The following GRID2 variants were observed in gnomAD, a reference collection of about 807,000 sequenced individuals.
GRID2 encodes the protein glutamate ionotropic receptor delta type subunit 2.
In GRID2, 33 loss-of-function variants were observed where a neutral mutation model predicts 114.8. That is an observed-to-expected ratio of 0.29 (90% CI 0.22 to 0.38). The LOEUF is 0.38. Ranked by LOEUF, GRID2 falls within the 10% of genes least tolerant of loss-of-function variation. The probability of loss-of-function intolerance (pLI) is 1.00; values close to 1 mark genes in which losing one functional copy is unlikely to be tolerated. For synonymous variants in GRID2, 505 were observed against 449.9 expected (o/e 1.12, Z -1.55); for missense variants, 1,184 against 1,257.7 (o/e 0.94, Z 0.89).
intron 2 of GRID2, among the ~76,000 whole-genome samples, chr4:92,955,251 A>G (rs1350407499): frequency 5.5e-5 from 8 of 145,970 alleles, no homozygotes; most frequent in South Asian, 2.2e-4. Flanking sequence ...AAGTGTTCCT[A>G]TTTCTCCACA....
chr4:92,735,446 G>A lies in GRID2; in HGVS notation c.244+145160G>A, dbSNP rs376206012. On this transcript the variant is annotated intron_variant, in intron 2 of 15. Transcript: ENST00000282020. ...GTTTCTCAAAGTATCTTATTGTCCTGTAACCATCTATTTTGGAACCATGGT... is the reference window on the plus strand; with the variant it reads ...GTTTCTCAAAGTATCTTATTGTCCTATAACCATCTATTTTGGAACCATGGT... Among the ~76,000 whole-genome samples, 135 of 152,246 alleles carry A rather than the reference G, an allele frequency of 8.9e-4. 2 individuals carry two copies. The highest frequency in any genetic ancestry group is 3.1e-3 in the African/African-American group (128 of 41,568).
At chr4:92,600,075 T>A (rs1050044080) in intron 2 of GRID2, among the ~76,000 whole-genome samples, 2 of 135,018 alleles carry the variant, frequency 1.5e-5, no homozygotes, top group African/African-American at 5.8e-5. Flanking sequence ...TATATATATA[T>A]ATATATATAT....
intron 2 of GRID2, among the ~76,000 whole-genome samples, chr4:93,006,234 A>G (rs185021196): frequency 4.6e-5 from 7 of 152,242 alleles, no homozygotes; most frequent in Admixed American, 1.3e-4. Context: ...AGCAAAGTAT[A>G]TAAATGACAC....
intron 13 of GRID2, among the ~76,000 whole-genome samples, chr4:93,608,015 C>T (rs897024358): frequency 6.7e-6 from 1 of 149,520 alleles, no homozygotes; most frequent in African/African-American, 2.5e-5. Context: ...CTTTTAAATG[C>T]TTCATATAAA....
At chr4:92,354,388 G>T (rs1332340716) in intron 1 of GRID2, among the ~76,000 whole-genome samples, 1 of 151,864 alleles carries the variant, frequency 6.6e-6, no homozygotes, top group Non-Finnish European at 1.5e-5. Context: ...ACATGAGCTT[G>T]TAGCTGCCTA....
At chr4:93,353,773 G>A (rs1462053417) in intron 8 of GRID2, among the ~76,000 whole-genome samples, 1 of 151,938 alleles carries the variant, frequency 6.6e-6, no homozygotes, top group African/African-American at 2.4e-5. Flanking sequence ...CTGCTACTTG[G>A]GGCTGAGGAT....
chr4:93,515,515 C>A, intron 13 of GRID2, 104 bp downstream of exon 13: 1 of 743,778 alleles, frequency 1.3e-6, no homozygotes. Flanking sequence ...TGTTTTTTAT[C>A]TTTAATGCTG....
chr4:92,622,123 A>G (rs1393533479), intron 2 of GRID2, among the ~76,000 whole-genome samples: 1 of 151,770 alleles, frequency 6.6e-6, no homozygotes, highest in African/African-American at 2.4e-5. Flanking sequence ...TGAAAATGCT[A>G]CTGGGGAGAG....
chr4:92,441,677 T>C (rs1356760925), intron 1 of GRID2, among the ~76,000 whole-genome samples: 1 of 152,092 alleles, frequency 6.6e-6, no homozygotes, highest in Non-Finnish European at 1.5e-5. Flanking sequence ...TAACAGGCTT[T>C]AATCTTTTTA....
intron 2 of GRID2, among the ~76,000 whole-genome samples, chr4:92,686,354 A>T (rs1733906163): frequency 6.6e-6 from 1 of 152,072 alleles, no homozygotes; most frequent in Admixed American, 6.5e-5. Flanking sequence ...TATTTCTGTT[A>T]TGTGGGAATT....
intron 5 of GRID2, among the ~76,000 whole-genome samples, chr4:93,208,176 T>C (rs1311296974): frequency 6.6e-6 from 1 of 151,938 alleles, no homozygotes; most frequent in Admixed American, 6.6e-5. Context: ...TAATGTAATA[T>C]TTACTTATTC....
At chr4:93,126,315 T>G (rs962443066) in intron 4 of GRID2, among the ~76,000 whole-genome samples, 2 of 152,126 alleles carry the variant, frequency 1.3e-5, no homozygotes, top group African/African-American at 4.8e-5. Flanking sequence ...TGTTTATATA[T>G]TCATAATAGT....
In GRID2 at chr4:92,620,083, G is replaced by T. The variant is rs77762324; in HGVS notation, c.244+29797G>T. ...TGGGTAGATAACAGCCAATAGTGTG[G>T]TTAGTCTGGAATACTATCTATTTTG... On this transcript the variant is annotated intron_variant, in intron 2 of 15. Transcript: ENST00000282020. 8.5e-3 allele frequency among the ~76,000 whole-genome samples: 1,294 copies of T among 151,840 alleles called. 18 individuals are homozygous for T. Among genetic ancestry groups the T allele is most frequent in the East Asian group, 0.066 (339 of 5,134 alleles).
At chr4:93,593,047 G>A (rs1459725773) in intron 13 of GRID2, among the ~76,000 whole-genome samples, 1 of 151,670 alleles carries the variant, frequency 6.6e-6, no homozygotes, top group Non-Finnish European at 1.5e-5. Flanking sequence ...GGAGAATTTA[G>A]TCCATTTACA....
At chr4:92,528,402 ATTCT>A (rs1204295201) in intron 1 of GRID2, among the ~76,000 whole-genome samples, 2 of 151,590 alleles carry the variant, frequency 1.3e-5, no homozygotes, top group Non-Finnish European at 2.9e-5. Flanking sequence ...TGATCCTTGT[ATTCT>A]TTGTTTCAGT....
intron 8 of GRID2, among the ~76,000 whole-genome samples, chr4:93,248,927 G>A (rs1748505943): frequency 6.6e-6 from 1 of 152,120 alleles, no homozygotes; most frequent in South Asian, 2.1e-4. Context: ...TAAGACATTA[G>A]TCCTAATTAA....
At chr4:92,934,052 A>G (rs1389545053) in intron 2 of GRID2, among the ~76,000 whole-genome samples, 2 of 151,928 alleles carry the variant, frequency 1.3e-5, no homozygotes, top group Admixed American at 6.6e-5. Flanking sequence ...TCTCTAAAGA[A>G]TGAGTAGATT....
At chr4:93,099,317 G>A (rs1362809015) in intron 3 of GRID2, among the ~76,000 whole-genome samples, 3 of 151,710 alleles carry the variant, frequency 2.0e-5, no homozygotes, top group South Asian at 2.1e-4. Flanking sequence ...CCCTTTGAAA[G>A]TTTAGTTTAT....
intron 2 of GRID2, among the ~76,000 whole-genome samples, chr4:92,857,175 C>T (rs1291491586): frequency 1.3e-5 from 2 of 152,252 alleles, no homozygotes; most frequent in East Asian, 3.9e-4. Flanking sequence ...TGAGACAAAA[C>T]AAGGTTGAAA....
Sources: allele counts gnomAD v4.1 joint callset (sites outside exome capture counted in the v4.1 genomes callset), GRCh38; gene constraint gnomAD v4.1.1; transcripts MANE v1.5; gene names NCBI Gene and HGNC (gene_info 2026-07-23, HGNC 2026-07-21).